CDIP1: variants seen among roughly 807,000 people sequenced by gnomAD.
The protein encoded by CDIP1 is cell death-inducing p53-target protein 1.
A neutral mutation model predicts 17.7 loss-of-function variants in CDIP1; 9 were observed. That is an observed-to-expected ratio of 0.51 (90% confidence interval 0.31 to 0.89). The LOEUF is 0.89. Ranked by LOEUF, CDIP1 falls within the 40% of genes least tolerant of loss-of-function variation. CDIP1 has a pLI of 0.05. For synonymous variants in CDIP1, 117 were observed against 109.5 expected (o/e 1.07, Z -0.43); for missense variants, 263 against 277.9 (o/e 0.95, Z 0.38).
At chr16:4,519,897 G>A (rs575722507) in intron 1 of CDIP1, among the ~76,000 whole-genome samples, 10 of 152,160 alleles carry the variant, frequency 6.6e-5, no homozygotes, top group Admixed American at 2.6e-4. Flanking sequence ...TGTTGGCACC[G>A]TGCCATCCTA....
chr16:4,529,169 A>C (rs1056359476), intron 1 of CDIP1, among the ~76,000 whole-genome samples: 3 of 152,184 alleles, frequency 2.0e-5, no homozygotes, highest in African/African-American at 7.2e-5. Flanking sequence ...GAGTTTGGTC[A>C]AATGAGTCAG....
intron 1 of CDIP1, chr16:4,524,407 C>G (rs940143319): frequency 6.6e-6 from 1 of 152,326 alleles, no homozygotes; most frequent in Non-Finnish European, 1.5e-5. Flanking sequence ...CTCTCTCCCC[C>G]ATTCTTGAAT....
chr16:4,527,842 G>A (rs1031690593), intron 1 of CDIP1, among the ~76,000 whole-genome samples: 5 of 152,134 alleles, frequency 3.3e-5, no homozygotes, highest in African/African-American at 1.2e-4. Context: ...TTGAGATGGA[G>A]TCTCGCTCTT....
chr16:4,518,758 C>T (rs995287006), intron 1 of CDIP1, among the ~76,000 whole-genome samples: 4 of 152,206 alleles, frequency 2.6e-5, no homozygotes, highest in African/African-American at 9.6e-5. Context: ...ATAAAAACTA[C>T]AAGAATAATC....
chr16:4,513,574 T>G lies in CDIP1; in HGVS notation c.241+122A>C, dbSNP rs529608575. The G allele has an allele frequency of 7.1e-5, 58 of 817,090 alleles. No homozygotes were observed. In the East Asian group the frequency reaches 1.5e-3, roughly 21 times the overall value. The allele number at this position is 817,090 out of a possible 1,614,324, so 50.6% of individuals were successfully genotyped here. On this transcript the variant is annotated intron_variant, in intron 4 of 5. Transcript: ENST00000567695. This position sits in a 1 kb window ranked among gnomAD's most constrained non-coding sequence, Gnocchi z 4.1. ...CACAGCCTGAGCCCTAGGCAAGGGC[T>G]GGTTGGGCGTGTTGGAGTCCCTGCC... is the stretch of plus-strand genomic sequence containing the variant.
chr16:4,520,928 C>G, intron 1 of CDIP1, among the ~76,000 whole-genome samples: 1 of 152,184 alleles, frequency 6.6e-6, no homozygotes, highest in Non-Finnish European at 1.5e-5. Flanking sequence ...GCCCACACTT[C>G]AAATGAATGC....
At chr16:4,517,537 C>T (rs542107177) in intron 1 of CDIP1, among the ~76,000 whole-genome samples, 2 of 152,050 alleles carry the variant, frequency 1.3e-5, no homozygotes, top group African/African-American at 4.8e-5. Context: ...GCCAGGGGTT[C>T]GAAACCAGCA....
chr16:4,524,795 A>G (rs1050141952), intron 1 of CDIP1, among the ~76,000 whole-genome samples: 7 of 152,254 alleles, frequency 4.6e-5, no homozygotes, highest in Admixed American at 2.0e-4. Context: ...TTAAGTATTA[A>G]CAAGTGTCAT....
intron 1 of CDIP1, among the ~76,000 whole-genome samples, chr16:4,534,690 G>GTTTTTTTTTTTTTTTTTTTTTTTTTGT (rs762718101): frequency 7.7e-6 from 1 of 130,406 alleles, no homozygotes; most frequent in African/African-American, 3.3e-5. Flanking sequence ...TGTTTGCATG[G>GTTTTTTTTTTTTTTTTTTTTTTTTTGT]TTTTTTTTTT....
chr16:4,536,064 C>T (rs2059103506), intron 1 of CDIP1, among the ~76,000 whole-genome samples: 1 of 152,248 alleles, frequency 6.6e-6, no homozygotes. Context: ...CTCTGCAGAG[C>T]TCTCCCTGCC....
chr16:4,520,775 G>A (rs1331979718), intron 1 of CDIP1, among the ~76,000 whole-genome samples: 1 of 152,154 alleles, frequency 6.6e-6, no homozygotes, highest in African/African-American at 2.4e-5. Flanking sequence ...AAAATAAAAG[G>A]TCAGTTGTTT....
intron 1 of CDIP1, among the ~76,000 whole-genome samples, chr16:4,537,991 C>A (rs562560423): frequency 6.6e-6 from 1 of 152,238 alleles, no homozygotes; most frequent in African/African-American, 2.4e-5. Context: ...TCCGGGACGG[C>A]CAAGGTCACC....
rs116387935 is a variant in CDIP1, at chr16:4,521,620, G to C, written c.-104-6956C>G. On this transcript the variant is annotated intron_variant, in intron 1 of 5. Coordinates refer to ENST00000567695, the MANE Select transcript of CDIP1 (RefSeq NM_013399.3). ...GCTCAGGCCTGTAATTCCAGCACTC[G>C]GGGAGGCCGAGACGGGAGGATTACT... Among the ~76,000 whole-genome samples, 1,482 of 151,694 alleles carry C rather than the reference G, an allele frequency of 9.8e-3. 24 individuals carry two copies. Among genetic ancestry groups the C allele is most frequent in the African/African-American group, 0.034 (1,415 of 41,304 alleles).
In CDIP1 at chr16:4,513,041, G is replaced by C. The variant is rs1596484019; in HGVS notation, c.265C>G (p.His89Asp). The stretch of plus-strand genomic sequence containing the variant: ...GGGGGGTAGTAGCCCATGGGTGGGT[G>C]GGGGCCTGGAGGAGGGTAGAAACCT... The part of the protein sequence containing the change: ...PPGFYPPPGP[H>D]PPMGYYPPGP... The change falls in exon 5 of 6, where the codon CAC (histidine) becomes GAC (aspartate). Residue 89 changes from histidine (H) to aspartate (D), a missense_variant. By Grantham distance (81) the His-to-Asp change is moderately conservative. Transcript: ENST00000567695. The surrounding 1 kb of genome is among the most constrained non-coding windows in gnomAD (Gnocchi z 4.1). 4 of 1,594,982 alleles carry C rather than the reference G, an allele frequency of 2.5e-6. No individual in the cohort carries two copies. The Middle Eastern group carries it at 8.1e-4, about 321-fold the overall frequency.
intron 1 of CDIP1, among the ~76,000 whole-genome samples, chr16:4,538,157 C>A (rs997219305): frequency 6.6e-6 from 1 of 152,178 alleles, no homozygotes; most frequent in Non-Finnish European, 1.5e-5. Flanking sequence ...TGCGGGCGAG[C>A]AGGCTGCCAT....
chr16:4,536,010 G>A (rs2059103021), intron 1 of CDIP1, among the ~76,000 whole-genome samples: 2 of 152,262 alleles, frequency 1.3e-5, no homozygotes, highest in Admixed American at 6.5e-5. Context: ...CACCACTGCC[G>A]GCCTGGCTCT....
intron 1 of CDIP1, among the ~76,000 whole-genome samples, chr16:4,535,175 C>G (rs962390607): frequency 2.0e-5 from 3 of 152,168 alleles, no homozygotes; most frequent in African/African-American, 7.2e-5. Flanking sequence ...AAAACCCAGA[C>G]ACTGGGACTA....
chr16:4,524,115 T>G (rs562404216), intron 1 of CDIP1: 1 of 152,414 alleles, frequency 6.6e-6, no homozygotes, highest in African/African-American at 2.4e-5. Context: ...GCTGATGGCC[T>G]GCAGCCCTAG....
chr16:4,526,475 C>T (rs1259781437), intron 1 of CDIP1, among the ~76,000 whole-genome samples: 3 of 151,982 alleles, frequency 2.0e-5, no homozygotes, highest in East Asian at 1.9e-4. Flanking sequence ...CCAAGGCAGG[C>T]GGATCACAGA....
Sources: gnomAD v4.1 joint callset for allele counts (sites outside exome capture counted in the v4.1 genomes callset) on GRCh38, gnomAD v4.1.1 for gene constraint, Gnocchi (gnomAD v3.1) non-coding constraint, MANE v1.5 for transcripts, NCBI Gene and HGNC (gene_info 2026-07-23, HGNC 2026-07-21) for gene names.